NR1I2: variants seen among roughly 807,000 people sequenced by gnomAD.
NR1I2 encodes the protein orphan nuclear receptor PAR1.
NR1I2 carries 42 observed loss-of-function variants against 43.3 expected under a neutral mutation model. That is an observed-to-expected ratio of 0.97 (90% CI 0.76 to 1.26). The LOEUF is 1.26. Ranked by LOEUF, NR1I2 falls within the 50% of genes most tolerant of loss-of-function variation. The probability of loss-of-function intolerance (pLI) is 0.00; values close to 1 mark genes in which losing one functional copy is unlikely to be tolerated. For synonymous variants in NR1I2, 229 were observed against 215.0 expected (o/e 1.06, Z -0.57); for missense variants, 559 against 566.7 (o/e 0.99, Z 0.14).
intron 1 of NR1I2, among the ~76,000 whole-genome samples, chr3:119,790,017 C>T (rs185629297): frequency 1.5e-3 from 230 of 152,170 alleles, no homozygotes; most frequent in Non-Finnish European, 2.8e-3. Context: ...ATGTTTTCAT[C>T]GTTGTGCAGC....
chr3:119,807,567 C>T, intron 2 of NR1I2, 120 bp downstream of exon 2: 1 of 810,116 alleles, frequency 1.2e-6, no homozygotes, highest in Non-Finnish European at 2.1e-6. Flanking sequence ...CACCCAAAGG[C>T]CTTGTAATTA....
At chr3:119,802,220 G>C (rs554112276) in intron 1 of NR1I2, among the ~76,000 whole-genome samples, 1 of 152,226 alleles carries the variant, frequency 6.6e-6, no homozygotes, top group Admixed American at 6.5e-5. Flanking sequence ...GAATGTGCCA[G>C]AGTCGGCTTG....
At position 119,817,614 on chromosome 3, in the gene NR1I2, G is replaced by A. The variant is rs933048955; in HGVS notation, c.*402G>A. The A allele has an allele frequency of 2.2e-5, 25 of 1,148,898 alleles. No homozygotes were observed. In the East Asian group the frequency reaches 9.2e-4, roughly 42 times the overall value. The allele number at this position is 1,148,898 out of a possible 1,614,324, so 71.2% of individuals were successfully genotyped here. A position where few individuals can be genotyped will look rare whatever the true frequency, so the allele number is the denominator to read the frequency against. Reference sequence around the variant, plus strand: ...CTGGGGTCTATGCCCACATACCCACGTTTGTTCGCTTCCTGAGTCTTTTCA... The same window carrying A: ...CTGGGGTCTATGCCCACATACCCACATTTGTTCGCTTCCTGAGTCTTTTCA... On this transcript the variant is annotated 3_prime_UTR_variant, in exon 9 of 9. Coordinates refer to ENST00000393716, the MANE Select transcript of NR1I2 (RefSeq NM_003889.4).
chr3:119,793,480 G>A (rs954681547), intron 1 of NR1I2, among the ~76,000 whole-genome samples: 1 of 152,222 alleles, frequency 6.6e-6, no homozygotes, highest in Non-Finnish European at 1.5e-5. Flanking sequence ...CCTTCTGGAG[G>A]CTGTAGGGGA....
chr3:119,811,602 G>A lies in NR1I2; in HGVS notation c.395G>A (p.Arg132Gln), dbSNP rs375233676. 8 of 1,613,782 alleles carry A rather than the reference G, an allele frequency of 5.0e-6. No homozygotes were observed. The highest frequency in any genetic ancestry group is 4.0e-5 in the African/African-American group (3 of 74,920). ...TTGATCAAGCGGAAGAAAAGTGAAC[G>A]GACAGGGACTCAGCCACTGGGAGTG... Residue 132 changes from arginine (R) to glutamine (Q), a missense_variant, in exon 4 of 9, where the codon CGG becomes CAG. Coordinates refer to ENST00000393716, the MANE Select transcript of NR1I2 (RefSeq NM_003889.4).
At chr3:119,793,732 G>A (rs72552100) in intron 1 of NR1I2, among the ~76,000 whole-genome samples, 6,619 of 152,280 alleles carry the variant, frequency 0.043, 203 homozygotes, top group Middle Eastern at 0.092. Context: ...CACATCTGCA[G>A]AGACCCTTTT....
chr3:119,814,693 C>G (rs1256249062), intron 5 of NR1I2, among the ~76,000 whole-genome samples: 2 of 152,128 alleles, frequency 1.3e-5, no homozygotes, highest in Non-Finnish European at 2.9e-5. Context: ...TGTATAGGAG[C>G]TGAAGGAGAT....
intron 1 of NR1I2, among the ~76,000 whole-genome samples, chr3:119,805,710 C>CT (rs1381240146): frequency 2.2e-5 from 1 of 44,482 alleles, no homozygotes; most frequent in Non-Finnish European, 8.2e-5. Flanking sequence ...CCCCCCCTCC[C>CT]CCCCACCAAA....
chr3:119,794,521 T>G (rs1413046694), intron 1 of NR1I2, among the ~76,000 whole-genome samples: 2 of 142,494 alleles, frequency 1.4e-5, no homozygotes, highest in Admixed American at 1.4e-4. Flanking sequence ...AGAGATAGGG[T>G]CTTGCTATAT....
intron 1 of NR1I2, among the ~76,000 whole-genome samples, chr3:119,802,690 T>C (rs756329844): frequency 5.3e-5 from 8 of 152,186 alleles, no homozygotes; most frequent in Non-Finnish European, 1.0e-4. Context: ...TGCCTGCCTG[T>C]GATGCTCTTT....
Position 119,783,054 on chromosome 3 carries a change from C to T in NR1I2, c.-23+754C>T, listed in dbSNP as rs186905419. On this transcript the variant is annotated intron_variant, in intron 1 of 8. Coordinates refer to ENST00000393716, the MANE Select transcript of NR1I2 (RefSeq NM_003889.4). ...CACCTCTGAGGCCACTGAGTCTTGA[C>T]TCAATGAATCAGCTATAGCAGGCAC... is the stretch of plus-strand genomic sequence containing the variant. 6.0e-4 allele frequency among the ~76,000 whole-genome samples: 92 copies of T among 152,178 alleles called. 2 individuals are homozygous for T. The East Asian group carries it at 0.015, about 25-fold the overall frequency.
At position 119,806,089 on chromosome 3, in the gene NR1I2, G is replaced by A. The variant is rs139998735; in HGVS notation, c.-22-1140G>A. Among the ~76,000 whole-genome samples, 704 of 152,244 alleles carry A rather than the reference G, an allele frequency of 4.6e-3. 5 individuals are homozygous for A. Among genetic ancestry groups the A allele is most frequent in the African/African-American group, 0.016 (678 of 41,530 alleles). Reference sequence around the variant, plus strand: ...AGAATTTTACTAAAGTTTCGATTTTGGCATTAGAAAAAGCATCGTCATCTG... The same window carrying A: ...AGAATTTTACTAAAGTTTCGATTTTAGCATTAGAAAAAGCATCGTCATCTG... On this transcript the variant is annotated intron_variant, in intron 1 of 8. Transcript: ENST00000393716.
At chr3:119,815,265 G>T in intron 6 of NR1I2, 58 bp from the exon 7 acceptor site, 1 of 1,572,056 alleles carries the variant, frequency 6.4e-7, no homozygotes, top group South Asian at 1.1e-5. Flanking sequence ...GGTGAGGGAT[G>T]ATTAGATCTT....
chr3:119,807,317 G>A lies in NR1I2; in HGVS notation c.67G>A (p.Val23Ile). The change falls in exon 2 of 9, where the codon GTT (valine) becomes ATT (isoleucine). Residue 23 changes from valine to isoleucine, a missense_variant. By Grantham distance (29) the Val-to-Ile change is conservative. Transcript: ENST00000393716. ...TGTACACTGTGAGGACACAGAGTCT[G>A]TTCCTGGAAAGCCCAGTGTCAACGC... The A allele has an allele frequency of 1.2e-6, 2 of 1,614,232 alleles. No individual in the cohort carries two copies. The highest frequency in any genetic ancestry group is 1.7e-6 in the Non-Finnish European group (2 of 1,180,028).
At chr3:119,802,283 A>G (rs1463325718) in intron 1 of NR1I2, among the ~76,000 whole-genome samples, 1 of 152,230 alleles carries the variant, frequency 6.6e-6, no homozygotes, top group African/African-American at 2.4e-5. Context: ...GCGGAATGAG[A>G]TTCTAGCATT....
intron 3 of NR1I2, 91 bp downstream of exon 3, chr3:119,810,285 G>T: frequency 6.6e-7 from 1 of 1,503,956 alleles, no homozygotes; most frequent in Non-Finnish European, 8.9e-7. Flanking sequence ...GTGTGGAGAT[G>T]CGCGCCGAGT....
At chr3:119,804,271 A>T (rs1199087571) in intron 1 of NR1I2, among the ~76,000 whole-genome samples, 5 of 150,094 alleles carry the variant, frequency 3.3e-5, no homozygotes, top group South Asian at 4.2e-4. Flanking sequence ...GCTACTCGGG[A>T]GGCTGAGGCA....
At position 119,811,628 on chromosome 3, in the gene NR1I2, C is replaced by G. The variant is rs573567813; in HGVS notation, c.421C>G (p.Gln141Glu). The change falls in exon 4 of 9, where the codon CAG becomes GAG. Residue 141 changes from glutamine to glutamate, a missense_variant. Physicochemically the swap from Gln to Glu is conservative, Grantham distance 29. Around this residue, in one of 3 missense-constraint regions of NR1I2, gnomAD observed 232 missense variants for 236.6 expected, o/e 0.98. Coordinates refer to ENST00000393716, the MANE Select transcript of NR1I2 (RefSeq NM_003889.4). ...GACAGGGACTCAGCCACTGGGAGTG[C>G]AGGGGCTGACAGAGGAGCAGCGGAT... The G allele has an allele frequency of 1.9e-6, 3 of 1,613,958 alleles. No homozygotes were observed. Among genetic ancestry groups the G allele is most frequent in the East Asian group, 4.5e-5 (2 of 44,826 alleles).
chr3:119,782,459 G>GA (rs2054786117), intron 1 of NR1I2, among the ~76,000 whole-genome samples, 159 bp downstream of exon 1: 3 of 151,116 alleles, frequency 2.0e-5, no homozygotes, highest in Non-Finnish European at 3.0e-5. Flanking sequence ...TTTCTAGGGT[G>GA]GAAAAAAAAA....
Sources: allele counts gnomAD v4.1 joint callset (sites outside exome capture counted in the v4.1 genomes callset), GRCh38; gene constraint gnomAD v4.1.1; regional missense constraint gnomAD v4.1.1; transcripts MANE v1.5; gene names NCBI Gene and HGNC (gene_info 2026-07-23, HGNC 2026-07-21).